The following MXI1 variants were observed in gnomAD, a reference collection of about 807,000 sequenced individuals.
MXI1 encodes the protein max-interacting protein 1.
Under a neutral mutation model 36.9 loss-of-function variants are expected in MXI1, and 18 were observed. That is an observed-to-expected ratio of 0.49 (90% CI 0.34 to 0.72). The LOEUF (loss-of-function observed/expected upper bound fraction) is 0.72. Among genes scored for constraint, MXI1 ranks in the 30% least tolerant of loss-of-function variants. The pLI, the probability that MXI1 is intolerant of heterozygous loss-of-function variation, is 0.01. For synonymous variants in MXI1, 160 were observed against 146.7 expected (o/e 1.09, Z -0.65); for missense variants, 304 against 379.1 (o/e 0.80, Z 1.64).
intron 3 of MXI1, 104 bp from the exon 4 acceptor site, chr10:110,279,076 T>TGA: frequency 2.4e-6 from 2 of 839,464 alleles, no homozygotes; most frequent in East Asian, 5.2e-5. Flanking sequence ...ACATCTATCC[T>TGA]ATAGGCTGAA....
chr10:110,270,153 A>C (rs1856810261), intron 3 of MXI1, among the ~76,000 whole-genome samples: 2 of 152,238 alleles, frequency 1.3e-5, no homozygotes, highest in Non-Finnish European at 2.9e-5. Context: ...TATTTAGAAC[A>C]AATTGCCACT....
intron 4 of MXI1, 66 bp downstream of exon 4, chr10:110,279,360 C>T (rs1857152782): frequency 2.3e-6 from 3 of 1,329,572 alleles, no homozygotes; most frequent in Non-Finnish European, 3.2e-6. Flanking sequence ...GGCACTGATT[C>T]CTATTCATAT....
rs1046556959 is a variant in MXI1 at position 110,218,343 on chromosome 10, G to A, written c.275-9846G>A. On this transcript the variant is annotated intron_variant, in intron 1 of 5. Coordinates refer to ENST00000332674, the MANE Select transcript of MXI1 (RefSeq NM_130439.3). Reference sequence around the variant, plus strand: ...CGGGCGCCTGTAGTCCCAGCTACTCGGGAGGCTGAAGCAGGAGAATGGCGT... The same window carrying A: ...CGGGCGCCTGTAGTCCCAGCTACTCAGGAGGCTGAAGCAGGAGAATGGCGT... 5.3e-5 allele frequency among the ~76,000 whole-genome samples: 8 copies of A among 151,962 alleles called. No individual in the cohort carries two copies. The East Asian group carries it at 5.8e-4, about 11-fold the overall frequency.
At chr10:110,236,907 GAAT>G in intron 2 of MXI1, among the ~76,000 whole-genome samples, 1 of 152,252 alleles carries the variant, frequency 6.6e-6, no homozygotes, top group East Asian at 1.9e-4. Flanking sequence ...TCATTAACAT[GAAT>G]TAATAGACAT....
chr10:110,238,959 T>C (rs1855568716), intron 2 of MXI1, among the ~76,000 whole-genome samples: 1 of 152,196 alleles, frequency 6.6e-6, no homozygotes, highest in South Asian at 2.1e-4. Flanking sequence ...GTATTGTAAT[T>C]TTTGTATTTT....
At chr10:110,225,030 G>A (rs1273762288) in intron 1 of MXI1, among the ~76,000 whole-genome samples, 2 of 152,076 alleles carry the variant, frequency 1.3e-5, no homozygotes, top group East Asian at 3.8e-4. Flanking sequence ...CATCATCATC[G>A]CTTCTATTTA....
intron 3 of MXI1, among the ~76,000 whole-genome samples, chr10:110,266,540 C>T (rs1248670791): frequency 6.6e-6 from 1 of 152,110 alleles, no homozygotes; most frequent in Non-Finnish European, 1.5e-5. Context: ...TCAACTGGGA[C>T]AGATCAATCT....
chr10:110,209,684 T>C lies in MXI1; in HGVS notation c.274+1602T>C, dbSNP rs193253141. ...GAGGGGGATGGGGCGCGGGAAGCTA[T>C]GTGTGCATTTGTCTGGAGGGTAGTT... On this transcript the variant is annotated intron_variant, in intron 1 of 5. Transcript: ENST00000332674. Among the ~76,000 whole-genome samples the C allele has an allele frequency of 2.8e-3, 420 of 152,170 alleles. 2 individuals are homozygous for C. Among genetic ancestry groups the C allele is most frequent in the African/African-American group, 9.4e-3 (392 of 41,498 alleles).
At chr10:110,230,549 T>A (rs1051144448) in intron 2 of MXI1, among the ~76,000 whole-genome samples, 1 of 152,144 alleles carries the variant, frequency 6.6e-6, no homozygotes, top group Non-Finnish European at 1.5e-5. Context: ...GATCCACCAA[T>A]GTGTGGGTTT....
At chr10:110,220,239 T>A (rs540154252) in intron 1 of MXI1, among the ~76,000 whole-genome samples, 1 of 152,182 alleles carries the variant, frequency 6.6e-6, no homozygotes, top group Non-Finnish European at 1.5e-5. Flanking sequence ...AGAGGTGTGC[T>A]GAGGATTAAA....
chr10:110,218,340 C>T (rs1309709310), intron 1 of MXI1, among the ~76,000 whole-genome samples: 2 of 151,918 alleles, frequency 1.3e-5, no homozygotes, highest in Non-Finnish European at 2.9e-5. Context: ...GTCCCAGCTA[C>T]TCGGGAGGCT....
intron 3 of MXI1, chr10:110,257,698 G>T: frequency 5.6e-6 from 1 of 180,106 alleles, no homozygotes; most frequent in Non-Finnish European, 1.2e-5. Context: ...ATGCATGAAG[G>T]AAAATGATCA....
intron 3 of MXI1, among the ~76,000 whole-genome samples, chr10:110,273,479 T>C (rs1856926644): frequency 6.6e-6 from 1 of 152,230 alleles, no homozygotes; most frequent in South Asian, 2.1e-4. Context: ...ATGTCATTTT[T>C]CATTAGGAAA....
At chr10:110,210,693 G>A (rs1265805059) in intron 1 of MXI1, among the ~76,000 whole-genome samples, 1 of 152,240 alleles carries the variant, frequency 6.6e-6, no homozygotes, top group Non-Finnish European at 1.5e-5. Context: ...GGAAAACGGC[G>A]GGCCCTACAT....
At chr10:110,232,430 G>A (rs1039164482) in intron 2 of MXI1, among the ~76,000 whole-genome samples, 4 of 152,062 alleles carry the variant, frequency 2.6e-5, no homozygotes, top group African/African-American at 9.7e-5. Flanking sequence ...AGTTCCTCAG[G>A]AATGTTTCCT....
rs142203908 is a variant in MXI1 at position 110,228,273 on chromosome 10, G to A, written c.359G>A (p.Arg120Gln). ...QHSKPPRRLSRAQKHSSGSSN... is the reference protein window; with the variant it reads ...QHSKPPRRLSQAQKHSSGSSN... The stretch of plus-strand genomic sequence containing the variant: ...TCAAAGCCCCCACGGAGGTTGAGCC[G>A]GGCACAGAAACACAGCAGCGGGAGC... Residue 120 changes from arginine (R) to glutamine (Q), a missense_variant, in exon 2 of 6, where the codon CGG becomes CAG. Arg to Gln is a conservative substitution (Grantham distance 43). Transcript: ENST00000332674. The A allele has an allele frequency of 5.6e-6, 9 of 1,613,998 alleles. No homozygotes were observed. The highest frequency in any genetic ancestry group is 7.6e-6 in the Non-Finnish European group (9 of 1,180,032).
Position 110,250,829 on chromosome 10 carries a change from CAAAAAAAAA to C in MXI1, c.437+5983_437+5991del, listed in dbSNP as rs113320766. Among the ~76,000 whole-genome samples the C allele has an allele frequency of 3.9e-5, 4 of 101,712 alleles. No individual in the cohort carries two copies. In the South Asian group the frequency reaches 9.0e-4, roughly 23 times the overall value. The allele number at this position is 101,712 out of a possible 152,430, so 66.7% of individuals were successfully genotyped here. On this transcript the variant is annotated intron_variant, in intron 3 of 5. Coordinates refer to ENST00000332674, the MANE Select transcript of MXI1 (RefSeq NM_130439.3). Reference sequence around the variant, plus strand: ...CCTCAGTGACAGAGCAAGACTTTGTCAAAAAAAAAAAAAAAAAAATAACAACTTTAACAG... The same window carrying C: ...CCTCAGTGACAGAGCAAGACTTTGTCAAAAAAAAAATAACAACTTTAACAG...
At chr10:110,228,666 TAA>T (rs3838773) in intron 2 of MXI1, among the ~76,000 whole-genome samples, 1 of 149,608 alleles carries the variant, frequency 6.7e-6, no homozygotes, top group South Asian at 2.1e-4. Context: ...CCAAGAAGAT[TAA>T]AAAAAAAATC....
intron 3 of MXI1, among the ~76,000 whole-genome samples, chr10:110,266,573 G>A (rs1046248035): frequency 5.9e-5 from 9 of 152,150 alleles, no homozygotes; most frequent in African/African-American, 2.2e-4. Flanking sequence ...GAGTAAATGA[G>A]GATACCTGAA....
Sources: allele counts gnomAD v4.1 joint callset (sites outside exome capture counted in the v4.1 genomes callset), GRCh38; gene constraint gnomAD v4.1.1; transcripts MANE v1.5; gene names NCBI Gene and HGNC (gene_info 2026-07-23, HGNC 2026-07-21).